The following ADGRL3 variants were observed in gnomAD, a reference collection of about 807,000 sequenced individuals.
ADGRL3 encodes the protein adhesion G protein-coupled receptor L3.
A neutral mutation model predicts 153.5 loss-of-function variants in ADGRL3; 62 were observed. That is an observed-to-expected ratio of 0.40 (90% CI 0.33 to 0.50). ADGRL3 has a LOEUF of 0.50. Among genes scored for constraint, ADGRL3 ranks in the 20% least tolerant of loss-of-function variants. ADGRL3 has a pLI of 0.47. For synonymous variants in ADGRL3, 710 were observed against 672.5 expected (o/e 1.06, Z -0.86); for missense variants, 1,641 against 1,859.4 (o/e 0.88, Z 2.16).
At chr4:61,583,730 G>A in intron 4 of ADGRL3, 1 of 518,354 alleles carries the variant, frequency 1.9e-6, no homozygotes, top group South Asian at 1.4e-5. Context: ...CTAGCAGAAG[G>A]TTTCCAGATT....
intron 9 of ADGRL3, among the ~76,000 whole-genome samples, chr4:61,831,364 A>G (rs776646785): frequency 3.5e-5 from 5 of 143,140 alleles, no homozygotes; most frequent in Non-Finnish European, 7.5e-5. Context: ...AGATGTCTTC[A>G]ACAGCTAAAA....
intron 1 of ADGRL3, among the ~76,000 whole-genome samples, 179 bp from the exon 2 acceptor site, chr4:61,382,945 A>G (rs921979331): frequency 6.6e-6 from 1 of 151,920 alleles, no homozygotes; most frequent in Non-Finnish European, 1.5e-5. Context: ...AAGATGTGTC[A>G]TCTGCATCCT....
chr4:61,463,318 GA>G (rs2152616723), intron 2 of ADGRL3, among the ~76,000 whole-genome samples: 1 of 152,304 alleles, frequency 6.6e-6, no homozygotes, highest in African/African-American at 2.4e-5. Flanking sequence ...GGCTGTACAG[GA>G]AGCATGGCTA....
At chr4:61,821,568 T>A (rs1385985247) in intron 9 of ADGRL3, among the ~76,000 whole-genome samples, 1 of 152,108 alleles carries the variant, frequency 6.6e-6, no homozygotes, top group Admixed American at 6.6e-5. Context: ...TTGTTGGGTT[T>A]TTTTATAGGT....
Position 61,732,938 on chromosome 4 carries a change from T to C in ADGRL3, c.783T>C (p.Ala261=). The change falls in exon 8 of 27, where the codon GCT becomes GCC. Residue 261 remains alanine (A), a synonymous_variant. Coordinates refer to ENST00000683033, the MANE Select transcript of ADGRL3 (RefSeq NM_001387552.1). The part of the protein sequence containing the change: ...TEYSSKDDFI[A]GRPTTTYKLP... The stretch of plus-strand genomic sequence containing the variant: ...ATTCATCCAAGGATGACTTCATTGC[T>C]GGAAGACCAACTACAACCTACAAGC... 1 of 1,613,756 alleles carries C rather than the reference T, an allele frequency of 6.2e-7. No homozygotes were observed. Among genetic ancestry groups the C allele is most frequent in the Non-Finnish European group, 8.5e-7 (1 of 1,179,800 alleles).
chr4:61,851,532 G>A (rs528350267), intron 9 of ADGRL3, among the ~76,000 whole-genome samples: 3 of 145,720 alleles, frequency 2.1e-5, no homozygotes, highest in South Asian at 4.5e-4. Context: ...AAAGCTGCAA[G>A]TGAGGCATGA....
chr4:61,934,191 A>C (rs1043706556), intron 13 of ADGRL3, among the ~76,000 whole-genome samples: 2 of 152,182 alleles, frequency 1.3e-5, no homozygotes, highest in Non-Finnish European at 2.9e-5. Flanking sequence ...TGAGGACCAT[A>C]GGTAGTAAGG....
intron 1 of ADGRL3, among the ~76,000 whole-genome samples, chr4:61,331,593 T>C (rs1414390813): frequency 6.6e-6 from 1 of 152,190 alleles, no homozygotes; most frequent in Admixed American, 6.5e-5. Flanking sequence ...TCATTGATTG[T>C]AAATTATTTT....
At chr4:61,783,141 C>T (rs1227383455) in intron 8 of ADGRL3, among the ~76,000 whole-genome samples, 3 of 152,112 alleles carry the variant, frequency 2.0e-5, no homozygotes, top group African/African-American at 7.2e-5. Context: ...TTAAATGTGG[C>T]ATCAATTTTG....
chr4:61,994,244 C>T (rs1394325233), intron 19 of ADGRL3, among the ~76,000 whole-genome samples: 1 of 152,090 alleles, frequency 6.6e-6, no homozygotes, highest in Non-Finnish European at 1.5e-5. Flanking sequence ...ACCTCTTGGG[C>T]TCAAGCCATC....
intron 3 of ADGRL3, among the ~76,000 whole-genome samples, chr4:61,505,561 A>T (rs1357336259): frequency 6.6e-6 from 1 of 152,128 alleles, no homozygotes; most frequent in African/African-American, 2.4e-5. Flanking sequence ...TCTGGTAGCC[A>T]AGAAAAATTT....
chr4:61,676,727 A>G (rs1371914243), intron 5 of ADGRL3, 99 bp from the exon 6 acceptor site: 11 of 852,062 alleles, frequency 1.3e-5, no homozygotes, highest in Middle Eastern at 2.4e-4. Context: ...ACCTTATTCA[A>G]ATCTGTATAA....
intron 17 of ADGRL3, among the ~76,000 whole-genome samples, chr4:61,950,374 A>T: frequency 6.6e-6 from 1 of 152,184 alleles, no homozygotes; most frequent in East Asian, 1.9e-4. Flanking sequence ...TAGAGATTTA[A>T]AAGCTGTATA....
chr4:61,652,537 AAAATAT>A (rs2094298300), intron 5 of ADGRL3, among the ~76,000 whole-genome samples: 1 of 152,198 alleles, frequency 6.6e-6, no homozygotes, highest in Non-Finnish European at 1.5e-5. Flanking sequence ...TACATGACCT[AAAATAT>A]TTACTATCTG....
intron 15 of ADGRL3, among the ~76,000 whole-genome samples, chr4:61,938,619 G>A (rs1023503001): frequency 1.3e-5 from 2 of 152,116 alleles, no homozygotes; most frequent in African/African-American, 4.8e-5. Context: ...CTCTGTTGCA[G>A]TAACTGTGCT....
chr4:61,615,838 T>G (rs2091939609), intron 5 of ADGRL3, among the ~76,000 whole-genome samples: 1 of 152,094 alleles, frequency 6.6e-6, no homozygotes, highest in Admixed American at 6.6e-5. Flanking sequence ...ATACTTGAAT[T>G]TATTAGTCTG....
chr4:61,234,406 C>T (rs974395795), intron 1 of ADGRL3, among the ~76,000 whole-genome samples: 9 of 152,080 alleles, frequency 5.9e-5, no homozygotes, highest in Non-Finnish European at 1.0e-4. Flanking sequence ...ATTACCACCC[C>T]CTGGGTCCCT....
chr4:61,457,739 A>G (rs1403431208), intron 2 of ADGRL3, among the ~76,000 whole-genome samples: 1 of 151,834 alleles, frequency 6.6e-6, no homozygotes, highest in African/African-American at 2.4e-5. Flanking sequence ...TAGGAAAATT[A>G]TTTAACAACT....
intron 1 of ADGRL3, among the ~76,000 whole-genome samples, chr4:61,225,515 A>C (rs375626836): frequency 3.2e-4 from 48 of 152,160 alleles, no homozygotes; most frequent in African/African-American, 1.1e-3. Flanking sequence ...ATAAACATGC[A>C]TCATTTAACT....
Sources: allele counts gnomAD v4.1 joint callset (sites outside exome capture counted in the v4.1 genomes callset), GRCh38; gene constraint gnomAD v4.1.1; transcripts MANE v1.5; gene names NCBI Gene and HGNC (gene_info 2026-07-23, HGNC 2026-07-21).